CLSTN2: variants seen among roughly 807,000 people sequenced by gnomAD.
CLSTN2 encodes the protein calsyntenin-2.
A neutral mutation model predicts 101.2 loss-of-function variants in CLSTN2; 48 were observed. The ratio of observed to expected loss-of-function variants is 0.47; its 90% confidence interval spans 0.38 to 0.60. The LOEUF (loss-of-function observed/expected upper bound fraction) is 0.60, where lower values mean the gene tolerates loss of function less well. CLSTN2 is among the 20% of genes least tolerant of loss of function. CLSTN2 has a pLI of 0.00. For synonymous variants in CLSTN2, 481 were observed against 463.6 expected (o/e 1.04, Z -0.48); for missense variants, 1,160 against 1,238.2 (o/e 0.94, Z 0.95).
chr3:139,986,182 A>G (rs1423117770), intron 1 of CLSTN2, among the ~76,000 whole-genome samples: 1 of 152,166 alleles, frequency 6.6e-6, no homozygotes, highest in African/African-American at 2.4e-5. Context: ...TGGGTTTTTG[A>G]GAATACAACT....
chr3:140,273,191 A>G (rs1007724963), intron 2 of CLSTN2, among the ~76,000 whole-genome samples: 9 of 150,512 alleles, frequency 6.0e-5, no homozygotes, highest in African/African-American at 2.2e-4. Flanking sequence ...CATTATCACA[A>G]CACATACCGG....
In CLSTN2 at chr3:140,562,131, C is replaced by T; in HGVS notation, c.2042-7C>T. ...TGCCTGCATTTCCCATGTCTGTCTT[C>T]CTACAGACCCCAAATCAGAAGTCTT... is the stretch of plus-strand genomic sequence containing the variant. On this transcript the variant is annotated splice_polypyrimidine_tract_variant and splice_region_variant and intron_variant, in intron 12 of 16. Coordinates refer to ENST00000458420, the MANE Select transcript of CLSTN2 (RefSeq NM_022131.3). 6.2e-7 allele frequency: 1 copy of T among 1,613,030 alleles called. No homozygotes were observed. The highest frequency in any genetic ancestry group is 1.3e-5 in the African/African-American group (1 of 75,018).
intron 2 of CLSTN2, among the ~76,000 whole-genome samples, chr3:140,219,566 G>A (rs576475792): frequency 5.4e-4 from 82 of 152,146 alleles, no homozygotes; most frequent in African/African-American, 1.9e-3. Flanking sequence ...CTCGTCATTC[G>A]GAGCGAGTGT....
chr3:140,233,243 T>C (rs1052776170), intron 2 of CLSTN2, among the ~76,000 whole-genome samples: 1 of 152,208 alleles, frequency 6.6e-6, no homozygotes, highest in Non-Finnish European at 1.5e-5. Flanking sequence ...CTAGCTTTTA[T>C]GCATTGCTCA....
chr3:140,536,809 G>A (rs751707462), intron 9 of CLSTN2, among the ~76,000 whole-genome samples: 1 of 152,204 alleles, frequency 6.6e-6, no homozygotes, highest in Non-Finnish European at 1.5e-5. Context: ...TGGCATCCGT[G>A]TATTCAGGGT....
At chr3:140,087,176 G>C (rs2008695478) in intron 1 of CLSTN2, among the ~76,000 whole-genome samples, 1 of 152,120 alleles carries the variant, frequency 6.6e-6, no homozygotes, top group Non-Finnish European at 1.5e-5. Context: ...GGTGTCTTGA[G>C]ACCAACCAGA....
At chr3:140,173,004 A>G (rs566775995) in intron 1 of CLSTN2, among the ~76,000 whole-genome samples, 24 of 152,170 alleles carry the variant, frequency 1.6e-4, no homozygotes, top group Non-Finnish European at 3.2e-4. Flanking sequence ...CTCACATTTC[A>G]AAAACAATCA....
intron 1 of CLSTN2, among the ~76,000 whole-genome samples, chr3:140,116,242 A>C (rs1408875785): frequency 6.6e-6 from 1 of 152,220 alleles, no homozygotes; most frequent in Non-Finnish European, 1.5e-5. Flanking sequence ...TAAACTCAGT[A>C]AAATTCATTT....
intron 2 of CLSTN2, among the ~76,000 whole-genome samples, chr3:140,336,950 T>C (rs1357135317): frequency 6.6e-6 from 1 of 152,040 alleles, no homozygotes; most frequent in Non-Finnish European, 1.5e-5. Flanking sequence ...CCACCAATAA[T>C]TCAAGAAGAT....
intron 1 of CLSTN2, among the ~76,000 whole-genome samples, chr3:140,145,768 G>A (rs2009771979): frequency 6.6e-6 from 1 of 152,160 alleles, no homozygotes; most frequent in South Asian, 2.1e-4. Flanking sequence ...AGATTCCAAT[G>A]CCTCTTCCAA....
chr3:140,271,928 A>G (rs868188796), intron 2 of CLSTN2, among the ~76,000 whole-genome samples: 1 of 152,222 alleles, frequency 6.6e-6, no homozygotes, highest in African/African-American at 2.4e-5. Context: ...CTGAGCTTCT[A>G]TGATAGAAGT....
intron 2 of CLSTN2, among the ~76,000 whole-genome samples, chr3:140,370,502 A>T (rs1358292801): frequency 1.3e-5 from 2 of 152,054 alleles, no homozygotes; most frequent in Non-Finnish European, 2.9e-5. Flanking sequence ...AGAAGAAGGG[A>T]GGGAATTGTC....
Position 140,558,773 on chromosome 3 carries a change from G to A in CLSTN2, c.1957G>A (p.Ala653Thr). The A allele has an allele frequency of 6.2e-7, 1 of 1,614,056 alleles. No homozygotes were observed. The highest frequency in any genetic ancestry group is 8.5e-7 in the Non-Finnish European group (1 of 1,179,996). Residue 653 changes from alanine (A) to threonine (T), a missense_variant, in exon 12 of 17, where the codon GCC becomes ACC. Physicochemically the swap from Ala to Thr is moderately conservative, Grantham distance 58 (BLOSUM62 0). Transcript: ENST00000458420. ...GAGACCTGCTGCCCAGTTTGAAAGT[G>A]CCAGGGGAGTGACCCTCTTCCCTGA... ...FWRPAAQFES[A>T]RGVTLFPDIK... is the part of the protein sequence containing the mutation.
intron 2 of CLSTN2, among the ~76,000 whole-genome samples, chr3:140,261,622 T>A (rs2086655035): frequency 1.3e-5 from 2 of 152,186 alleles, no homozygotes; most frequent in South Asian, 4.1e-4. Flanking sequence ...GAATCATTGC[T>A]TCTATTTTCT....
At chr3:140,244,766 T>C (rs1249454302) in intron 2 of CLSTN2, among the ~76,000 whole-genome samples, 1 of 152,258 alleles carries the variant, frequency 6.6e-6, no homozygotes, top group Non-Finnish European at 1.5e-5. Flanking sequence ...TGTGTTATAC[T>C]GCATTTGTGT....
rs532762187 is a variant in CLSTN2 at position 140,386,546 on chromosome 3, C to G, written c.233-17083C>G. 6.6e-5 allele frequency among the ~76,000 whole-genome samples: 10 copies of G among 152,306 alleles called. No homozygotes were observed. In the East Asian group the frequency reaches 1.9e-3, roughly 29 times the overall value. ...CCCTGTCTCAGCTGCTTGAGCTGGT[C>G]GCTCCCACACACAGCTGTGCAGCCA... On this transcript the variant is annotated intron_variant, in intron 2 of 16. Transcript: ENST00000458420.
chr3:140,516,410 G>A (rs919817517), intron 8 of CLSTN2, among the ~76,000 whole-genome samples: 1 of 151,740 alleles, frequency 6.6e-6, no homozygotes, highest in Non-Finnish European at 1.5e-5. Flanking sequence ...TTTTTTCATA[G>A]TTTTTTGTTT....
intron 1 of CLSTN2, among the ~76,000 whole-genome samples, chr3:140,044,686 T>C (rs931082859): frequency 1.3e-5 from 2 of 152,210 alleles, no homozygotes; most frequent in African/African-American, 4.8e-5. Flanking sequence ...TAGCTCTTAT[T>C]ATTTTGAGAT....
intron 2 of CLSTN2, among the ~76,000 whole-genome samples, chr3:140,367,129 G>A (rs893392601): frequency 6.6e-6 from 1 of 152,212 alleles, no homozygotes; most frequent in Non-Finnish European, 1.5e-5. Flanking sequence ...CAGAAGAATA[G>A]GAGGACACAT....
Sources: allele counts gnomAD v4.1 joint callset (sites outside exome capture counted in the v4.1 genomes callset), GRCh38; gene constraint gnomAD v4.1.1; transcripts MANE v1.5; gene names NCBI Gene and HGNC (gene_info 2026-07-23, HGNC 2026-07-21).